CREBRF: variants seen among roughly 807,000 people sequenced by gnomAD.
The protein encoded by CREBRF is CREB3 regulatory factor, also known as UPF0474 protein C5orf41.
A neutral mutation model predicts 66.1 loss-of-function variants in CREBRF; 5 were observed. That is an observed-to-expected ratio of 0.08 (90% confidence interval 0.04 to 0.16). The LOEUF is 0.16. Ranked by LOEUF, CREBRF falls within the 10% of genes least tolerant of loss-of-function variation. The pLI is 1.00. For synonymous variants in CREBRF, 229 were observed against 264.4 expected, an observed-to-expected ratio of 0.87 and a Z score of 1.30; for missense variants, 531 against 744.9, an observed-to-expected ratio of 0.71 and a Z score of 3.34.
Position 173,063,409 on chromosome 5 carries a change from C to G in CREBRF, c.-192+6930C>G, listed in dbSNP as rs192704067. On this transcript the variant is annotated intron_variant, in intron 1 of 8. Coordinates refer to ENST00000296953, the MANE Select transcript of CREBRF (RefSeq NM_153607.3). ...TTGAGACAGAGTCTCACGCTGTTGCCCACGCTGGAGTGCAGTGGCGCCATC... is the reference window on the plus strand; with the variant it reads ...TTGAGACAGAGTCTCACGCTGTTGCGCACGCTGGAGTGCAGTGGCGCCATC... Among the ~76,000 whole-genome samples, 12 of 152,230 alleles carry G rather than the reference C, an allele frequency of 7.9e-5. No individual in the cohort carries two copies. The East Asian group carries it at 2.3e-3, about 29-fold the overall frequency.
intron 4 of CREBRF, among the ~76,000 whole-genome samples, chr5:173,107,572 T>C (rs189783515): frequency 9.2e-5 from 14 of 152,336 alleles, no homozygotes; most frequent in Non-Finnish European, 5.9e-5. Context: ...TGATAGCCAG[T>C]GTGAGAACCG....
intron 4 of CREBRF, among the ~76,000 whole-genome samples, chr5:173,097,843 T>A (rs1181676406): frequency 1.3e-5 from 2 of 152,182 alleles, no homozygotes; most frequent in Non-Finnish European, 2.9e-5. Context: ...TTCATTGATC[T>A]TTTCTATTGT....
intron 4 of CREBRF, among the ~76,000 whole-genome samples, chr5:173,092,968 A>T (rs181536192): frequency 6.6e-6 from 1 of 152,362 alleles, no homozygotes; most frequent in Admixed American, 6.5e-5. Context: ...GCAAGTGAAT[A>T]AAATCTGCTT....
intron 1 of CREBRF, among the ~76,000 whole-genome samples, chr5:173,069,466 T>G (rs903882635): frequency 5.9e-5 from 9 of 151,988 alleles, no homozygotes; most frequent in African/African-American, 2.2e-4. Context: ...TGGGATTACA[T>G]GTGCGCCACC....
Position 173,133,504 on chromosome 5 carries a change from G to A in CREBRF, c.1805-126G>A, listed in dbSNP as rs1055372620. ...TCTGAGCTGCAATAACAAGTGCCAG[G>A]GAATTCATTTGGGACCAGTATCAAG... On this transcript the variant is annotated intron_variant, in intron 8 of 8. Coordinates refer to ENST00000296953, the MANE Select transcript of CREBRF (RefSeq NM_153607.3). 2.4e-5 allele frequency: 12 copies of A among 507,368 alleles called. No individual in the cohort carries two copies. The African/African-American group carries it at 2.4e-4, about 10-fold the overall frequency. The allele number at this position is 507,368 out of a possible 1,614,324, so 31.4% of individuals were successfully genotyped here.
chr5:173,111,409 G>A (rs1758867649), intron 6 of CREBRF, among the ~76,000 whole-genome samples: 2 of 152,276 alleles, frequency 1.3e-5, no homozygotes, highest in Admixed American at 1.3e-4. Context: ...TGGGATTATA[G>A]ATGTGACCCA....
chr5:173,072,490 A>G (rs1353658235), intron 1 of CREBRF, among the ~76,000 whole-genome samples: 1 of 151,682 alleles, frequency 6.6e-6, no homozygotes, highest in African/African-American at 2.4e-5. Context: ...GTTAGCCAGG[A>G]TGGTCTCCAT....
At position 173,100,116 on chromosome 5, in the gene CREBRF, G is replaced by A. The variant is rs1330502300; in HGVS notation, c.1223-8508G>A. 3.6e-3 allele frequency among the ~76,000 whole-genome samples: 403 copies of A among 111,502 alleles called. 3 individuals carry two copies. Among genetic ancestry groups the A allele is most frequent in the African/African-American group, 0.016 (362 of 22,502 alleles). 73.1% of individuals were successfully genotyped at this position (111,502 alleles called of 152,430 possible). On this transcript the variant is annotated intron_variant, in intron 4 of 8. Transcript: ENST00000296953. ...TGTGTGTGTGTGTGTGTGTGTGTGT[G>A]TGTATATATATATAATTTTTTTTTT...
chr5:173,065,246 T>C (rs1438931787), intron 1 of CREBRF, among the ~76,000 whole-genome samples: 3 of 152,164 alleles, frequency 2.0e-5, no homozygotes, highest in Non-Finnish European at 4.4e-5. Flanking sequence ...AAGGAGGCAT[T>C]CTAGTACAGC....
intron 1 of CREBRF, among the ~76,000 whole-genome samples, chr5:173,075,773 C>T (rs942975134): frequency 6.6e-6 from 1 of 152,010 alleles, no homozygotes; most frequent in South Asian, 2.1e-4. Flanking sequence ...ACCTCCCTGT[C>T]CACACCCCTT....
chr5:173,110,498 A>G lies in CREBRF; in HGVS notation c.1418-24A>G, dbSNP rs368753489. 118 of 1,571,356 alleles carry G rather than the reference A, an allele frequency of 7.5e-5. 2 individuals are homozygous for G. Among genetic ancestry groups the G allele is most frequent in the South Asian group, 4.5e-4 (41 of 90,196 alleles). Reference sequence around the variant, plus strand: ...CTTGTTAATTAAAGTGATCTGACTTAAACTTCTTTTAAACTGTTTATAGGA... The same window carrying G: ...CTTGTTAATTAAAGTGATCTGACTTGAACTTCTTTTAAACTGTTTATAGGA... On this transcript the variant is annotated intron_variant, in intron 5 of 8. Transcript: ENST00000296953.
In CREBRF at chr5:173,091,226, A is replaced by G. The variant is rs751867868; in HGVS notation, c.1047A>G (p.Pro349=). 3 of 1,614,164 alleles carry G rather than the reference A, an allele frequency of 1.9e-6. No homozygotes were observed. The change falls in exon 4 of 9, where the codon CCA becomes CCG. Residue 349 remains proline (P), a synonymous_variant. Transcript: ENST00000296953. ...LFVSDNLGEQ[P]TKCSPEEDEE... The stretch of plus-strand genomic sequence containing the variant: ...TCTCCGACAACTTGGGTGAACAGCC[A>G]ACTAAATGCAGTCCTGAAGAAGATG...
chr5:173,063,479 T>C (rs568049823), intron 1 of CREBRF, among the ~76,000 whole-genome samples: 15 of 152,194 alleles, frequency 9.9e-5, no homozygotes, highest in Admixed American at 2.6e-4. Flanking sequence ...GCGATTTTCC[T>C]GTCTCAGCCT....
rs1327990757 is a variant in CREBRF at position 173,131,313 on chromosome 5, C to T, written c.1805-2317C>T. Among the ~76,000 whole-genome samples the T allele has an allele frequency of 2.6e-5, 4 of 152,224 alleles. 1 individual carries two copies. The highest frequency in any genetic ancestry group is 1.3e-4 in the Admixed American group (2 of 15,284). ...TCTCTTAGCCACAACGCCAGTGTCA[C>T]ATCCTAGTGCTTCAACATTGATATA... On this transcript the variant is annotated intron_variant, in intron 8 of 8. Coordinates refer to ENST00000296953, the MANE Select transcript of CREBRF (RefSeq NM_153607.3).
chr5:173,068,380 A>G (rs1248319691), intron 1 of CREBRF, among the ~76,000 whole-genome samples: 1 of 152,230 alleles, frequency 6.6e-6, no homozygotes, highest in Non-Finnish European at 1.5e-5. Flanking sequence ...TCTCTTTATT[A>G]GAAACTATGC....
intron 4 of CREBRF, among the ~76,000 whole-genome samples, chr5:173,106,643 T>G (rs1758757133): frequency 6.6e-6 from 1 of 152,206 alleles, no homozygotes; most frequent in African/African-American, 2.4e-5. Flanking sequence ...AATTCACCCC[T>G]CTTACAGTGT....
chr5:173,120,093 A>G (rs957793337), intron 7 of CREBRF, among the ~76,000 whole-genome samples: 1 of 152,130 alleles, frequency 6.6e-6, no homozygotes, highest in South Asian at 2.1e-4. Flanking sequence ...TCTACATTCA[A>G]GAGGAATATT....
chr5:173,089,763 C>T (rs1429671264), intron 3 of CREBRF, among the ~76,000 whole-genome samples: 1 of 152,056 alleles, frequency 6.6e-6, no homozygotes, highest in East Asian at 1.9e-4. Flanking sequence ...AAGATCTTAC[C>T]ATTCTGTGGT....
At chr5:173,111,712 C>T (rs1279411693) in intron 6 of CREBRF, among the ~76,000 whole-genome samples, 1 of 152,176 alleles carries the variant, frequency 6.6e-6, no homozygotes, top group East Asian at 1.9e-4. Context: ...AATAAAACCA[C>T]CATCAATGTT....
Sources: gnomAD v4.1 joint callset for allele counts (sites outside exome capture counted in the v4.1 genomes callset) on GRCh38, gnomAD v4.1.1 for gene constraint, MANE v1.5 for transcripts, NCBI Gene and HGNC (gene_info 2026-07-23, HGNC 2026-07-21) for gene names.